The following CMTR2 variants were observed in gnomAD, a reference collection of about 807,000 sequenced individuals.
CMTR2 encodes cap methyltransferase 2, also known as cap-specific mRNA (nucleoside-2'-O-)-methyltransferase 2.
A neutral mutation model predicts 49.8 loss-of-function variants in CMTR2; 40 were observed. The ratio of observed to expected loss-of-function variants is 0.80; its 90% CI spans 0.62 to 1.04. CMTR2 has a LOEUF of 1.04. Among genes scored for constraint, CMTR2 ranks in the 50% least tolerant of loss-of-function variants. The pLI is 0.00. For missense variants in CMTR2, 907 were observed against 897.2 expected, an observed-to-expected ratio of 1.01 and a Z score of -0.14; for synonymous variants, 326 against 315.8, an observed-to-expected ratio of 1.03 and a Z score of -0.34.
chr16:71,285,430 G>A lies in CMTR2; in HGVS notation c.491C>T (p.Pro164Leu). 6.2e-7 allele frequency: 1 copy of A among 1,614,114 alleles called. No individual in the cohort carries two copies. The highest frequency in any genetic ancestry group is 8.5e-7 in the Non-Finnish European group (1 of 1,179,990). The stretch of plus-strand genomic sequence containing the variant: ...ATTCGCTACCCAACTCCAATGACAA[G>A]GAAACCGATGGGATTTTAAGTAGTG... ...LNHYLKSHRF[P>L]CHWSWVANTL... Residue 164 changes from proline (P) to leucine (L), a missense_variant, in exon 3 of 3, where the codon CCT becomes CTT. Coordinates refer to ENST00000434935, the MANE Select transcript of CMTR2 (RefSeq NM_018348.6).
chr16:71,284,148 G>A lies in CMTR2; in HGVS notation c.1773C>T (p.Ile591=), dbSNP rs2041667612. The change falls in exon 3 of 3, where the codon ATC becomes ATT. Residue 591 remains isoleucine, a synonymous_variant. Transcript: ENST00000434935. ...GAACTTCCAACGGTATATGCATTTT[G>A]ATATTACGGAGAGTCGAAAAGCCCA... ...LLVGFSTLRN[I]KMHIPLEVRL... 1 of 1,613,826 alleles carries A rather than the reference G, an allele frequency of 6.2e-7. No individual in the cohort carries two copies. The highest frequency in any genetic ancestry group is 8.5e-7 in the Non-Finnish European group (1 of 1,179,888).
rs200221398 is a variant in CMTR2 at position 71,284,123 on chromosome 16, G to A, written c.1798C>T (p.Arg600Ter). Residue 600 changes from arginine to a stop codon, truncating the protein, a stop_gained, in exon 3 of 3, where the codon CGA becomes TGA. Transcript: ENST00000434935. LOFTEE classifies it high-confidence loss of function. ...NIKMHIPLEV[R>*]LLESAELTTF... ...GTGAGTTCAGCTGATTCTAGGAGTCGAACTTCCAACGGTATATGCATTTTG... is the reference window on the plus strand; with the variant it reads ...GTGAGTTCAGCTGATTCTAGGAGTCAAACTTCCAACGGTATATGCATTTTG... 1.9e-5 allele frequency: 30 copies of A among 1,613,842 alleles called. No individual in the cohort carries two copies. Among genetic ancestry groups the A allele is most frequent in the Admixed American group, 1.7e-5 (1 of 59,996 alleles).
At position 71,284,254 on chromosome 16, in the gene CMTR2, A is replaced by G; in HGVS notation, c.1667T>C (p.Phe556Ser). 1 of 1,614,082 alleles carries G rather than the reference A, an allele frequency of 6.2e-7. No individual in the cohort carries two copies. The highest frequency in any genetic ancestry group is 8.5e-7 in the Non-Finnish European group (1 of 1,179,974). ...CTCAGTAAGGCTACACAACTCGGAA[A>G]ATATCAGTTCTTCAGAAAAAACATG... Reference protein sequence around the residue: ...SCHVFSEELIFSELCSLTECL... With the variant: ...SCHVFSEELISSELCSLTECL... The change falls in exon 3 of 3, where the codon TTT becomes TCT. Residue 556 changes from phenylalanine to serine, a missense_variant. Physicochemically the swap from Phe to Ser is radical, Grantham distance 155 (BLOSUM62 -2). Coordinates refer to ENST00000434935, the MANE Select transcript of CMTR2 (RefSeq NM_018348.6).
rs1163745972 is a variant in CMTR2 at position 71,283,060 on chromosome 16, G to GA, written c.*547dup. 1 of 152,794 alleles carries GA rather than the reference G, an allele frequency of 6.5e-6. No individual in the cohort carries two copies. The highest frequency in any genetic ancestry group is 1.5e-5 in the Non-Finnish European group (1 of 68,224). 9.5% of individuals were successfully genotyped at this position (152,794 alleles called of 1,614,324 possible). ...AGGGCAATGAATGGCATGTTATCAA[G>GA]AATCTGGCGAGATGAATTCCCTGAA... On this transcript the variant is annotated 3_prime_UTR_variant, in exon 3 of 3. Coordinates refer to ENST00000434935, the MANE Select transcript of CMTR2 (RefSeq NM_018348.6).
rs192739719 is a variant in CMTR2 at position 71,285,812 on chromosome 16, C to T, written c.109G>A (p.Gly37Ser). 453 of 1,614,004 alleles carry T rather than the reference C, an allele frequency of 2.8e-4. 1 individual carries two copies. In the East Asian group the frequency reaches 7.6e-3, roughly 27 times the overall value. The change falls in exon 3 of 3, where the codon GGC becomes AGC. Residue 37 changes from glycine (G) to serine (S), a missense_variant. Coordinates refer to ENST00000434935, the MANE Select transcript of CMTR2 (RefSeq NM_018348.6). The stretch of plus-strand genomic sequence containing the variant: ...TGCCACTCATTATTAAGTGGCTTGC[C>T]ATAAGAAAAGTTCTTGGCAAAGAGT... ...FELFAKNFSY[G>S]KPLNNEWQLP...
At chr16:71,288,076 C>T (rs1029216137) in intron 2 of CMTR2, 1 of 152,228 alleles carries the variant, frequency 6.6e-6, no homozygotes, top group Non-Finnish European at 1.5e-5. Context: ...TCTGACTATA[C>T]TTTTGCTGTG....
Position 71,284,446 on chromosome 16 carries a change from T to A in CMTR2, c.1475A>T (p.His492Leu), listed in dbSNP as rs1786028493. 6.2e-7 allele frequency: 1 copy of A among 1,614,002 alleles called. No homozygotes were observed. Among genetic ancestry groups the A allele is most frequent in the Non-Finnish European group, 8.5e-7 (1 of 1,179,960 alleles). Residue 492 changes from histidine (H) to leucine (L), a missense_variant, in exon 3 of 3, where the codon CAC becomes CTC. Physicochemically the swap from His to Leu is moderately conservative, Grantham distance 99. Coordinates refer to ENST00000434935, the MANE Select transcript of CMTR2 (RefSeq NM_018348.6). ...CTTTCCCTCCAAAATATGCCATAAGTGACACTCAAGATTGGAAGCTGTTCC... is the reference window on the plus strand; with the variant it reads ...CTTTCCCTCCAAAATATGCCATAAGAGACACTCAAGATTGGAAGCTGTTCC... ...LEGTASNLEC[H>L]LWHILEGKKL...
rs1242261323 is a variant in CMTR2 at position 71,284,635 on chromosome 16, GTAC to G, written c.1283_1285del (p.Ser428del). 6.2e-7 allele frequency: 1 copy of G among 1,612,676 alleles called. No homozygotes were observed. Among genetic ancestry groups the G allele is most frequent in the Non-Finnish European group, 8.5e-7 (1 of 1,179,482 alleles). ...CCTCTGCCCAAACCATTTTGTATTTGTACTACAACCAATACTAGATTTTTTTAC... is the reference window on the plus strand; with the variant it reads ...CCTCTGCCCAAACCATTTTGTATTTGTACAACCAATACTAGATTTTTTTAC... On this transcript the variant is annotated inframe_deletion, in exon 3 of 3. Transcript: ENST00000434935.
chr16:71,283,893 G>T lies in CMTR2; in HGVS notation c.2028C>A (p.Ser676=). 1 of 1,613,982 alleles carries T rather than the reference G, an allele frequency of 6.2e-7. No individual in the cohort carries two copies. The highest frequency in any genetic ancestry group is 8.5e-7 in the Non-Finnish European group (1 of 1,179,906). Residue 676 remains serine (S), a synonymous_variant, in exon 3 of 3, where the codon TCC becomes TCA. Coordinates refer to ENST00000434935, the MANE Select transcript of CMTR2 (RefSeq NM_018348.6). ...CTGCGCAGGTCCTCAGGGGATCAGAGGATGTGGGACAAACAAAAGTGATGA... is the reference window on the plus strand; with the variant it reads ...CTGCGCAGGTCCTCAGGGGATCAGATGATGTGGGACAAACAAAAGTGATGA... ...FRFITFVCPT[S]SDPLRTCAVL...
intron 2 of CMTR2, chr16:71,287,366 T>C (rs186044093): frequency 3.9e-4 from 59 of 152,330 alleles, no homozygotes; most frequent in African/African-American, 1.3e-3. Flanking sequence ...CTCTACCAGT[T>C]TGTAATTTCC....
chr16:71,284,663 C>T lies in CMTR2; in HGVS notation c.1258G>A (p.Val420Ile). Residue 420 changes from valine (V) to isoleucine (I), a missense_variant, in exon 3 of 3, where the codon GTA becomes ATA. Coordinates refer to ENST00000434935, the MANE Select transcript of CMTR2 (RefSeq NM_018348.6). Reference protein sequence around the residue: ...LKHLSRNNWLVKKSSIGCSTN... With the variant: ...LKHLSRNNWLIKKSSIGCSTN... ...CTACAACCAATACTAGATTTTTTTA[C>T]TAGCCAATTATTTCTGGAAAGATGT... 2.5e-6 allele frequency: 4 copies of T among 1,612,366 alleles called. No homozygotes were observed. Among genetic ancestry groups the T allele is most frequent in the Non-Finnish European group, 3.4e-6 (4 of 1,179,400 alleles).
In CMTR2 at chr16:71,285,724, A is replaced by C. The variant is rs768166688; in HGVS notation, c.197T>G (p.Leu66Trp). The C allele has an allele frequency of 6.8e-6, 11 of 1,613,540 alleles. No homozygotes were observed. Among genetic ancestry groups the C allele is most frequent in the Non-Finnish European group, 9.3e-6 (11 of 1,179,788 alleles). Residue 66 changes from leucine to tryptophan, a missense_variant, in exon 3 of 3, where the codon TTG (leucine) becomes TGG (tryptophan). By Grantham distance (61) the Leu-to-Trp change is moderately conservative. Coordinates refer to ENST00000434935, the MANE Select transcript of CMTR2 (RefSeq NM_018348.6). The stretch of plus-strand genomic sequence containing the variant: ...TTTTACTTCATTTAGGGAGTTCTTC[A>C]AATCAAGAAATGCATTAAGTTCAGT... ...DHTELNAFLD[L>W]KNSLNEVKNL... is the part of the protein sequence containing the mutation.
In CMTR2 at chr16:71,283,491, T is replaced by A. The variant is rs2041646617; in HGVS notation, c.*117A>T. 8.3e-7 allele frequency: 1 copy of A among 1,201,062 alleles called. No individual in the cohort carries two copies. The highest frequency in any genetic ancestry group is 2.8e-5 in the Admixed American group (1 of 35,288). The allele number at this position is 1,201,062 out of a possible 1,614,324, so 74.4% of individuals were successfully genotyped here. A position where few individuals can be genotyped will look rare whatever the true frequency, so the allele number is the denominator to read the frequency against. On this transcript the variant is annotated 3_prime_UTR_variant, in exon 3 of 3. Transcript: ENST00000434935. The stretch of plus-strand genomic sequence containing the variant: ...TTTCCAGAATTAATGAGACTTTGAA[T>A]GATGCAAATGTTGGCCTTTCCCCAA...
At chr16:71,287,237 A>G (rs2041742678) in intron 2 of CMTR2, 1 of 152,222 alleles carries the variant, frequency 6.6e-6, no homozygotes, top group Non-Finnish European at 1.5e-5. Context: ...AAAGGGAACT[A>G]CTGCTGTAAT....
intron 2 of CMTR2, chr16:71,287,034 T>C (rs2041738747): frequency 6.6e-6 from 1 of 152,134 alleles, no homozygotes; most frequent in Non-Finnish European, 1.5e-5. Flanking sequence ...GGGAGAGCAA[T>C]GAATATTACA....
chr16:71,289,627 G>A (rs963348410), upstream of CMTR2: 1 of 144,994 alleles, frequency 6.9e-6, no homozygotes, highest in African/African-American at 2.5e-5. Context: ...GGGTGAAAGG[G>A]AGAGGGACAG....
Position 71,284,842 on chromosome 16 carries a change from T to C in CMTR2, c.1079A>G (p.His360Arg). The C allele has an allele frequency of 6.2e-7, 1 of 1,613,936 alleles. No individual in the cohort carries two copies. The highest frequency in any genetic ancestry group is 1.7e-5 in the Admixed American group (1 of 59,998). ...HVIPDSFLKR[H>R]EECCVFFHKY... ...ATGAAAGAACACACAACATTCTTCA[T>C]GTCTCTTAAGAAAAGAATCAGGAAT... The change falls in exon 3 of 3, where the codon CAT becomes CGT. Residue 360 changes from histidine to arginine, a missense_variant. Physicochemically the swap from His to Arg is conservative, Grantham distance 29. Transcript: ENST00000434935.
chr16:71,287,771 G>C (rs997980152), intron 2 of CMTR2: 1 of 152,072 alleles, frequency 6.6e-6, no homozygotes, highest in African/African-American at 2.4e-5. Context: ...GCTATATTTA[G>C]ACAAATTTCT....
rs1258741614 is a variant in CMTR2 at position 71,282,445 on chromosome 16, G to C, written c.*1163C>G. 2 of 151,974 alleles carry C rather than the reference G, an allele frequency of 1.3e-5. No individual in the cohort carries two copies. The highest frequency in any genetic ancestry group is 4.8e-5 in the African/African-American group (2 of 41,398). 9.4% of individuals were successfully genotyped at this position (151,974 alleles called of 1,614,324 possible). On this transcript the variant is annotated 3_prime_UTR_variant, in exon 3 of 3. Transcript: ENST00000434935. ...TATCAAAAGTGCCTAAAATGCATGT[G>C]AGAATATAAATATTCTCCACTTTGT...
Sources: allele counts gnomAD v4.1 joint callset, GRCh38; gene constraint gnomAD v4.1.1; transcripts MANE v1.5; gene names NCBI Gene and HGNC (gene_info 2026-07-23, HGNC 2026-07-21).